The following SAMSN1 variants were observed in gnomAD, a reference collection of about 807,000 sequenced individuals.
SAMSN1 encodes SAM domain, SH3 domain and nuclear localization signals 1.
Under a neutral mutation model 42.0 loss-of-function variants are expected in SAMSN1, and 31 were observed. That is an observed-to-expected ratio of 0.74 (90% CI 0.55 to 1.00). The LOEUF (loss-of-function observed/expected upper bound fraction) is 1.00. SAMSN1 is among the 50% of genes least tolerant of loss of function. SAMSN1 has a pLI of 0.00. For missense variants in SAMSN1, 464 were observed against 439.4 expected (o/e 1.06, Z -0.50); for synonymous variants, 178 against 151.9 (o/e 1.17, Z -1.26).
At chr21:14,583,940 T>C (rs1474962406), upstream of SAMSN1, among the ~76,000 whole-genome samples, 1 of 152,048 alleles carries the variant, frequency 6.6e-6, no homozygotes, top group African/African-American at 2.4e-5. Context: ...ACTTTTTGGG[T>C]TCAAAATTAT....
intron 1 of SAMSN1, among the ~76,000 whole-genome samples, chr21:14,651,728 A>T (rs931996773): frequency 3.3e-5 from 5 of 152,102 alleles, no homozygotes; most frequent in Non-Finnish European, 5.9e-5. Flanking sequence ...GAAATGAAGA[A>T]GTCAAATTAT....
rs185619630 is a variant in SAMSN1, at chr21:14,616,631, A to T, written c.157-615T>A. ...TGAAACAGCTTAAACTGCCCTAGACACCTTTAAAAGCTCTTCAGATTCTGT... is the reference window on the plus strand; with the variant it reads ...TGAAACAGCTTAAACTGCCCTAGACTCCTTTAAAAGCTCTTCAGATTCTGT... On this transcript the variant is annotated intron_variant, in intron 2 of 15. Transcript: ENST00000647101. Among the ~76,000 whole-genome samples the T allele has an allele frequency of 4.1e-4, 62 of 152,244 alleles. 1 individual carries two copies. In the South Asian group the frequency reaches 7.9e-3, roughly 19 times the overall value.
intron 4 of SAMSN1, among the ~76,000 whole-genome samples, chr21:14,609,735 G>A (rs192236767): frequency 1.1e-4 from 16 of 152,200 alleles, no homozygotes; most frequent in East Asian, 3.8e-4. Context: ...GACCCCGAAC[G>A]GAGGGACCGG....
At chr21:14,542,806 G>A (rs982935559) in intron 1 of SAMSN1, among the ~76,000 whole-genome samples, 2 of 152,028 alleles carry the variant, frequency 1.3e-5, no homozygotes, top group Admixed American at 6.6e-5. Flanking sequence ...TAGCTGGGCT[G>A]GTGGCATGGT....
chr21:14,633,308 C>G (rs1248977307), intron 2 of SAMSN1, among the ~76,000 whole-genome samples: 1 of 152,108 alleles, frequency 6.6e-6, no homozygotes, highest in East Asian at 1.9e-4. Flanking sequence ...TAAAATTTTG[C>G]CTTCTGCACT....
At chr21:14,653,226 A>C (rs1358541352) in intron 1 of SAMSN1, among the ~76,000 whole-genome samples, 1 of 152,044 alleles carries the variant, frequency 6.6e-6, no homozygotes, top group African/African-American at 2.4e-5. Context: ...TACAATAGCT[A>C]AGATTTGGAC....
At chr21:14,531,694 A>G (rs1979279133) in intron 1 of SAMSN1, among the ~76,000 whole-genome samples, 1 of 152,228 alleles carries the variant, frequency 6.6e-6, no homozygotes, top group Non-Finnish European at 1.5e-5. Flanking sequence ...TTTAAAATAA[A>G]ATAAAATTAT....
chr21:14,598,333 A>AT (rs1982330156), intron 6 of SAMSN1: 1 of 152,184 alleles, frequency 6.6e-6, no homozygotes, highest in African/African-American at 2.4e-5. Context: ...ATTACTGCAT[A>AT]TTTTATTCCC....
At chr21:14,626,721 A>T (rs1418015524) in intron 2 of SAMSN1, among the ~76,000 whole-genome samples, 3 of 152,234 alleles carry the variant, frequency 2.0e-5, no homozygotes, top group Admixed American at 6.5e-5. Context: ...CAGTGTGGCG[A>T]TTCCTCAGGG....
chr21:14,612,597 A>G (rs1568830575), intron 4 of SAMSN1: 2 of 529,594 alleles, frequency 3.8e-6, no homozygotes, highest in Middle Eastern at 2.9e-4. Context: ...CAAGCTACAC[A>G]TGGAGAGCTG....
intron 2 of SAMSN1, among the ~76,000 whole-genome samples, chr21:14,556,709 C>T (rs1980773379): frequency 6.6e-6 from 1 of 152,150 alleles, no homozygotes; most frequent in Non-Finnish European, 1.5e-5. Flanking sequence ...GGAAGCCTAC[C>T]TGCATTCTAA....
intron 7 of SAMSN1, among the ~76,000 whole-genome samples, chr21:14,490,775 CCTCCT>C (rs879909114): frequency 6.6e-5 from 10 of 152,186 alleles, no homozygotes; most frequent in Non-Finnish European, 7.4e-5. Context: ...AATGACTTCC[CCTCCT>C]CTTGCATATC....
intron 2 of SAMSN1, among the ~76,000 whole-genome samples, chr21:14,562,305 T>C (rs1248569288): frequency 6.6e-6 from 1 of 152,186 alleles, no homozygotes; most frequent in East Asian, 1.9e-4. Flanking sequence ...ATCACTAAAC[T>C]TCCTCGGTGT....
intron 3 of SAMSN1, among the ~76,000 whole-genome samples, chr21:14,615,328 A>AG (rs928710802): frequency 6.6e-6 from 1 of 151,544 alleles, no homozygotes; most frequent in African/African-American, 2.4e-5. Flanking sequence ...AAGAAAAAAA[A>AG]AGGAAAGAAT....
Position 14,626,737 on chromosome 21 carries a change from G to C in SAMSN1, c.157-10721C>G, listed in dbSNP as rs1479182444. On this transcript the variant is annotated intron_variant, in intron 2 of 15. Transcript: ENST00000647101. Reference sequence around the variant, plus strand: ...AGTGTGGCGATTCCTCAGGGATCTAGAACTAGAAATTCCATTTGAGCCAGC... The same window carrying C: ...AGTGTGGCGATTCCTCAGGGATCTACAACTAGAAATTCCATTTGAGCCAGC... Among the ~76,000 whole-genome samples, 4 of 152,314 alleles carry C rather than the reference G, an allele frequency of 2.6e-5. No individual in the cohort carries two copies. The South Asian group carries it at 6.2e-4, about 24-fold the overall frequency.
intron 5 of SAMSN1, among the ~76,000 whole-genome samples, chr21:14,508,057 C>A (rs575790468): frequency 2.6e-5 from 4 of 152,274 alleles, no homozygotes; most frequent in African/African-American, 9.6e-5. Context: ...AAAATCATCT[C>A]AAGATGGACT....
intron 1 of SAMSN1, among the ~76,000 whole-genome samples, chr21:14,533,197 G>T (rs748985315): frequency 5.3e-5 from 8 of 152,062 alleles, no homozygotes; most frequent in Non-Finnish European, 1.2e-4. Flanking sequence ...GATTACAGGT[G>T]TGAGCCACCA....
intron 2 of SAMSN1, among the ~76,000 whole-genome samples, chr21:14,577,890 T>A (rs1338917397): frequency 6.6e-6 from 1 of 152,178 alleles, no homozygotes; most frequent in East Asian, 1.9e-4. Flanking sequence ...TCACAAATAT[T>A]TCTTCACTCC....
chr21:14,620,139 A>C (rs1022717779), intron 2 of SAMSN1, among the ~76,000 whole-genome samples: 3 of 152,142 alleles, frequency 2.0e-5, no homozygotes, highest in Non-Finnish European at 4.4e-5. Flanking sequence ...AAAGTCAGAG[A>C]TATCTTCCTG....
Sources: gnomAD v4.1 joint callset for allele counts (sites outside exome capture counted in the v4.1 genomes callset) on GRCh38, gnomAD v4.1.1 for gene constraint, MANE v1.5 for transcripts, NCBI Gene and HGNC (gene_info 2026-07-23, HGNC 2026-07-21) for gene names.